Variants in CLIC5 observed in about 807,000 individuals in gnomAD.
CLIC5 encodes the protein chloride intracellular channel protein 5.
In CLIC5, 20 loss-of-function variants were observed where a neutral mutation model predicts 24.7. That is an observed-to-expected ratio of 0.81 (90% confidence interval 0.57 to 1.18). The LOEUF (loss-of-function observed/expected upper bound fraction) is 1.18. CLIC5 is among the 50% of genes most tolerant of loss of function. The pLI is 0.00. For missense variants in CLIC5, 341 were observed against 326.1 expected, an observed-to-expected ratio of 1.05 and a Z score of -0.35; for synonymous variants, 159 against 135.6, an observed-to-expected ratio of 1.17 and a Z score of -1.20.
intron 4 of CLIC5, among the ~76,000 whole-genome samples, chr6:45,929,692 C>T (rs1763651666): frequency 6.6e-6 from 1 of 152,192 alleles, no homozygotes; most frequent in Admixed American, 6.5e-5. Context: ...ACCAAGATGG[C>T]CTGATAACAG....
intron 1 of CLIC5, among the ~76,000 whole-genome samples, chr6:46,040,288 C>A (rs770293312): frequency 6.6e-6 from 1 of 151,570 alleles, no homozygotes; most frequent in Non-Finnish European, 1.5e-5. Context: ...GAAGACAACG[C>A]GATTGGTAGT....
At chr6:46,020,429 G>T (rs992336899), upstream of CLIC5, among the ~76,000 whole-genome samples, 2 of 151,942 alleles carry the variant, frequency 1.3e-5, no homozygotes, top group African/African-American at 4.8e-5. Flanking sequence ...CTAAAGCAAC[G>T]CTTAGTAGAA....
intron 1 of CLIC5, among the ~76,000 whole-genome samples, chr6:46,048,287 GCCA>G (rs1280342578): frequency 2.6e-5 from 4 of 152,182 alleles, no homozygotes; most frequent in Non-Finnish European, 4.4e-5. Context: ...ACAGGCATGA[GCCA>G]CTGCTCCCAG....
In CLIC5 at chr6:46,079,864, TCTC is replaced by T. The variant is rs1211610665; in HGVS notation, c.376_378del (p.Glu126del). ...AGATCTTCCTTCATCACACTCCCAT[TCTC>T]CTGGAGTTCTGCTGCGCAGAGTTGC... On this transcript the variant is annotated inframe_deletion, in exon 1 of 6. Transcript: ENST00000185206. 4.5e-6 allele frequency: 7 copies of T among 1,552,036 alleles called. No homozygotes were observed. The African/African-American group carries it at 9.6e-5, about 21-fold the overall frequency.
chr6:45,904,452 C>A (rs980303893), intron 5 of CLIC5, among the ~76,000 whole-genome samples: 2 of 151,446 alleles, frequency 1.3e-5, no homozygotes, highest in Non-Finnish European at 2.9e-5. Flanking sequence ...TCAGAAGAGC[C>A]CTGCTGTTGA....
chr6:46,055,112 C>A (rs770555275), intron 1 of CLIC5, among the ~76,000 whole-genome samples: 2 of 152,006 alleles, frequency 1.3e-5, no homozygotes, highest in Non-Finnish European at 2.9e-5. Flanking sequence ...TTCTTTCTTT[C>A]TTTTTTTGAG....
At chr6:45,946,155 T>C (rs988712990) in intron 3 of CLIC5, among the ~76,000 whole-genome samples, 1 of 152,302 alleles carries the variant, frequency 6.6e-6, no homozygotes, top group South Asian at 2.1e-4. Flanking sequence ...CAAACACTCA[T>C]AGAGAGGTGG....
Position 46,072,973 on chromosome 6 carries a change from G to A in CLIC5, c.540+6730C>T, listed in dbSNP as rs192726302. On this transcript the variant is annotated intron_variant, in intron 1 of 5. Transcript: ENST00000185206. ...AATATATTCCCAGGCTAGGAATGCC[G>A]ATATAAAGAAAAATCCCCTGGATGG... Among the ~76,000 whole-genome samples the A allele has an allele frequency of 2.4e-3, 369 of 152,246 alleles. 1 individual carries two copies. Among genetic ancestry groups the A allele is most frequent in the Non-Finnish European group, 3.7e-3 (252 of 68,018 alleles).
chr6:45,939,300 G>A (rs1386245859), intron 4 of CLIC5, among the ~76,000 whole-genome samples: 6 of 133,978 alleles, frequency 4.5e-5, no homozygotes, highest in South Asian at 2.4e-4. Context: ...TGCAACCTTC[G>A]CCTCCTGGGT....
At chr6:46,110,819 G>T in the CLIC5 span, among the ~76,000 whole-genome samples, 1 of 152,164 alleles carries the variant, frequency 6.6e-6, no homozygotes, top group Non-Finnish European at 1.5e-5. Context: ...GATTCTTCAT[G>T]ATTTTCTCCA....
chr6:45,924,559 C>T (rs1034054434), intron 4 of CLIC5, among the ~76,000 whole-genome samples: 1 of 151,990 alleles, frequency 6.6e-6, no homozygotes, highest in African/African-American at 2.4e-5. Flanking sequence ...CTTCTGTTTC[C>T]TGAAATCTAG....
intron 4 of CLIC5, among the ~76,000 whole-genome samples, chr6:45,936,424 C>T (rs112254918): frequency 0.014 from 2,076 of 152,048 alleles, 29 homozygotes; most frequent in Admixed American, 0.03. Context: ...AGGCTGGTCT[C>T]GAACTCCCAA....
At chr6:46,039,963 A>G (rs996477289) in intron 1 of CLIC5, among the ~76,000 whole-genome samples, 3 of 152,250 alleles carry the variant, frequency 2.0e-5, no homozygotes, top group Non-Finnish European at 2.9e-5. Flanking sequence ...TTGGAATCAG[A>G]TAGATGTAGA....
At chr6:46,069,355 C>A (rs949578954) in intron 1 of CLIC5, among the ~76,000 whole-genome samples, 1 of 151,992 alleles carries the variant, frequency 6.6e-6, no homozygotes, top group Non-Finnish European at 1.5e-5. Context: ...CAAATAAACA[C>A]AATTAGAAAC....
chr6:45,950,860 G>T (rs1764447596), intron 2 of CLIC5, among the ~76,000 whole-genome samples: 1 of 152,048 alleles, frequency 6.6e-6, no homozygotes, highest in African/African-American at 2.4e-5. Flanking sequence ...CTAGAAAGAA[G>T]TTATTTTTCT....
intron 6 of CLIC5, among the ~76,000 whole-genome samples, chr6:45,889,512 G>A (rs1226629353): frequency 3.3e-5 from 5 of 152,090 alleles, no homozygotes; most frequent in Non-Finnish European, 7.4e-5. Flanking sequence ...ATGTGCTTTC[G>A]GGTAAGAAGG....
chr6:46,015,358 G>A, intron 1 of CLIC5, 122 bp downstream of exon 1: 1 of 999,122 alleles, frequency 1.0e-6, no homozygotes, highest in Non-Finnish European at 1.4e-6. Flanking sequence ...AAGGCCACGG[G>A]GGAGCACAGG....
chr6:46,102,265 G>C, the CLIC5 span, among the ~76,000 whole-genome samples: 1 of 152,172 alleles, frequency 6.6e-6, no homozygotes, highest in Admixed American at 6.5e-5. Flanking sequence ...GACAATAAGG[G>C]TATGATCTAA....
upstream of CLIC5, among the ~76,000 whole-genome samples, chr6:46,081,886 T>C (rs538093815): frequency 2.6e-5 from 4 of 152,324 alleles, no homozygotes; most frequent in South Asian, 4.1e-4. Flanking sequence ...TTTTCCAATC[T>C]TTTTTTCATG....
Sources: allele counts gnomAD v4.1 joint callset (sites outside exome capture counted in the v4.1 genomes callset), GRCh38; gene constraint gnomAD v4.1.1; transcripts MANE v1.5; gene names NCBI Gene and HGNC (gene_info 2026-07-23, HGNC 2026-07-21).